Variants in RALGPS1 observed in about 807,000 individuals in gnomAD.
RALGPS1 encodes the protein Ral GEF with PH domain and SH3 binding motif 1, also known as ras-specific guanine nucleotide-releasing factor RalGPS1.
RALGPS1 carries 19 observed loss-of-function variants against 78.8 expected under a neutral mutation model. The ratio of observed to expected loss-of-function variants is 0.24; its 90% confidence interval spans 0.17 to 0.35. RALGPS1 has a LOEUF of 0.35. RALGPS1 is among the 10% of genes least tolerant of loss of function. The pLI, the probability that RALGPS1 is intolerant of heterozygous loss-of-function variation, is 1.00. For missense variants in RALGPS1, 454 were observed against 688.3 expected, an observed-to-expected ratio of 0.66 and a Z score of 3.81; for synonymous variants, 228 against 256.3, an observed-to-expected ratio of 0.89 and a Z score of 1.06.
chr9:127,130,850 CT>C (rs1440590670), intron 8 of RALGPS1, among the ~76,000 whole-genome samples: 3 of 152,226 alleles, frequency 2.0e-5, no homozygotes, highest in African/African-American at 7.2e-5. Flanking sequence ...CCCTTTCAAC[CT>C]CTTCGTTATC....
rs144924017 is a variant in RALGPS1 at position 127,124,548 on chromosome 9, G to C, written c.611-41521G>C. Among the ~76,000 whole-genome samples, 25 of 152,224 alleles carry C rather than the reference G, an allele frequency of 1.6e-4. 1 individual carries two copies. The East Asian group carries it at 4.8e-3, about 30-fold the overall frequency. On this transcript the variant is annotated intron_variant, in intron 8 of 18. Coordinates refer to ENST00000259351, the MANE Select transcript of RALGPS1 (RefSeq NM_014636.3). ...AATTCCTGACCCACAGGCCCCATGC[G>C]TATAATAAGATGGTGGTTTTAGGCC...
At chr9:127,164,406 T>C (rs1306273351) in intron 8 of RALGPS1, among the ~76,000 whole-genome samples, 4 of 151,934 alleles carry the variant, frequency 2.6e-5, no homozygotes, top group African/African-American at 9.7e-5. Flanking sequence ...TGACTAATTC[T>C]GTGTTTTTGG....
chr9:127,196,142 A>G (rs1420371447), intron 12 of RALGPS1, among the ~76,000 whole-genome samples: 3 of 152,282 alleles, frequency 2.0e-5, no homozygotes, highest in Non-Finnish European at 1.5e-5. Flanking sequence ...CTCCAGGAGC[A>G]GACATCCTGG....
At chr9:127,173,024 AG>A (rs929063210) in intron 10 of RALGPS1, among the ~76,000 whole-genome samples, 15 of 151,990 alleles carry the variant, frequency 9.9e-5, no homozygotes, top group Middle Eastern at 3.4e-3. Flanking sequence ...CATGTGTGTG[AG>A]GGGGGAAACC....
chr9:127,193,394 G>A (rs1002178867), intron 11 of RALGPS1, among the ~76,000 whole-genome samples: 2 of 152,158 alleles, frequency 1.3e-5, no homozygotes, highest in African/African-American at 4.8e-5. Flanking sequence ...GTTGGCTAAG[G>A]CTTAATAAAG....
intron 1 of RALGPS1, among the ~76,000 whole-genome samples, chr9:126,948,490 C>G (rs2037493268): frequency 6.6e-6 from 1 of 152,060 alleles, no homozygotes; most frequent in Admixed American, 6.5e-5. Flanking sequence ...CACTGCACTC[C>G]AGCCTGTGCA....
intron 1 of RALGPS1, among the ~76,000 whole-genome samples, chr9:126,926,737 C>G (rs1194959530): frequency 6.6e-6 from 1 of 151,838 alleles, no homozygotes. Context: ...AGATTGGGAG[C>G]TGAGTGAGGG....
intron 8 of RALGPS1, among the ~76,000 whole-genome samples, chr9:127,076,270 C>T (rs1408579732): frequency 6.6e-6 from 1 of 152,178 alleles, no homozygotes; most frequent in African/African-American, 2.4e-5. Context: ...TTTGTTCTTA[C>T]TACTTATTTC....
At chr9:127,078,758 AGT>A (rs2136085455) in intron 8 of RALGPS1, among the ~76,000 whole-genome samples, 1 of 152,304 alleles carries the variant, frequency 6.6e-6, no homozygotes, top group South Asian at 2.1e-4. Flanking sequence ...TGCAAGAAAA[AGT>A]GTTTTCATGG....
chr9:126,991,377 C>T (rs868671331), intron 4 of RALGPS1, among the ~76,000 whole-genome samples: 8 of 151,990 alleles, frequency 5.3e-5, no homozygotes, highest in Admixed American at 2.6e-4. Flanking sequence ...TTTGCAACTT[C>T]GAGACTCATT....
chr9:127,170,674 A>G (rs1251322528), intron 10 of RALGPS1, among the ~76,000 whole-genome samples: 1 of 152,218 alleles, frequency 6.6e-6, no homozygotes, highest in East Asian at 1.9e-4. Context: ...ATTAACACTA[A>G]TATGCTTTAG....
At chr9:127,134,608 GC>G (rs2057267811) in intron 8 of RALGPS1, among the ~76,000 whole-genome samples, 1 of 152,162 alleles carries the variant, frequency 6.6e-6, no homozygotes, top group Admixed American at 6.5e-5. Context: ...AGGAAACCGA[GC>G]CCTAGAAAAG....
intron 8 of RALGPS1, among the ~76,000 whole-genome samples, chr9:127,083,372 G>A (rs182625610): frequency 5.0e-4 from 76 of 152,322 alleles, no homozygotes; most frequent in Admixed American, 2.5e-3. Flanking sequence ...TCAGGAGGAC[G>A]TGAACTGAAA....
At chr9:127,116,515 A>G (rs537157080) in intron 8 of RALGPS1, among the ~76,000 whole-genome samples, 2 of 152,348 alleles carry the variant, frequency 1.3e-5, no homozygotes, top group East Asian at 3.9e-4. Flanking sequence ...GCCATTTCAG[A>G]GTCCAGCTTC....
intron 13 of RALGPS1, among the ~76,000 whole-genome samples, chr9:127,197,064 C>T (rs1037276274): frequency 3.3e-5 from 5 of 152,148 alleles, no homozygotes; most frequent in African/African-American, 1.2e-4. Flanking sequence ...GTTCTCACTG[C>T]GTACTTGTCT....
chr9:126,922,501 T>G (rs1318012193), intron 1 of RALGPS1, among the ~76,000 whole-genome samples: 1 of 152,226 alleles, frequency 6.6e-6, no homozygotes, highest in Non-Finnish European at 1.5e-5. Flanking sequence ...GAAAACAAGT[T>G]AATAGATTCA....
intron 11 of RALGPS1, among the ~76,000 whole-genome samples, chr9:127,175,677 CTTTTTTTTTTT>C (rs11354346): frequency 5.5e-5 from 6 of 109,002 alleles, no homozygotes; most frequent in Non-Finnish European, 7.3e-5. Flanking sequence ...TTTGGGCCTC[CTTTTTTTTTTT>C]TTTTTTTTTT....
intron 8 of RALGPS1, among the ~76,000 whole-genome samples, chr9:127,139,560 G>T (rs1423136491): frequency 6.6e-6 from 1 of 152,252 alleles, no homozygotes; most frequent in Admixed American, 6.5e-5. Flanking sequence ...AGCAGCTGGG[G>T]TGGGGGTGTC....
intron 8 of RALGPS1, among the ~76,000 whole-genome samples, chr9:127,152,473 T>C (rs2058474658): frequency 6.6e-6 from 1 of 152,190 alleles, no homozygotes; most frequent in South Asian, 2.1e-4. Context: ...CAGAGCATTC[T>C]AGAACCCCTC....
Sources: allele counts gnomAD v4.1 joint callset (sites outside exome capture counted in the v4.1 genomes callset), GRCh38; gene constraint gnomAD v4.1.1; transcripts MANE v1.5; gene names NCBI Gene and HGNC (gene_info 2026-07-23, HGNC 2026-07-21).